AZI2: variants seen among roughly 807,000 people sequenced by gnomAD.
AZI2 encodes 5-azacytidine induced 2.
In AZI2, 22 loss-of-function variants were observed where a neutral mutation model predicts 45.8. The observed-to-expected ratio is 0.48, with a 90% CI of 0.34 to 0.69. The LOEUF (loss-of-function observed/expected upper bound fraction) is 0.69. AZI2 is among the 30% of genes least tolerant of loss of function. The pLI is 0.01. For missense variants in AZI2, 417 were observed against 441.5 expected, an observed-to-expected ratio of 0.94 and a Z score of 0.50; for synonymous variants, 137 against 156.7, an observed-to-expected ratio of 0.87 and a Z score of 0.94.
intron 2 of AZI2, among the ~76,000 whole-genome samples, 173 bp downstream of exon 2, chr3:28,340,229 T>C (rs1703956725): frequency 6.6e-6 from 1 of 152,012 alleles, no homozygotes; most frequent in African/African-American, 2.4e-5. Flanking sequence ...ACCAAGTACA[T>C]GGTATGTGAA....
intron 1 of AZI2, among the ~76,000 whole-genome samples, chr3:28,346,946 CTT>C (rs141332652): frequency 0.017 from 2,566 of 152,272 alleles, 79 homozygotes; most frequent in African/African-American, 0.058. Flanking sequence ...TTTTATGACT[CTT>C]GAGTTATCCA....
At chr3:28,334,208 G>A (rs1204871648) in intron 5 of AZI2, among the ~76,000 whole-genome samples, 2 of 151,688 alleles carry the variant, frequency 1.3e-5, no homozygotes, top group African/African-American at 4.8e-5. Context: ...TACTTCAGAA[G>A]GTTTTATAAA....
At chr3:28,347,452 G>A (rs952510349) in intron 1 of AZI2, among the ~76,000 whole-genome samples, 16 of 152,076 alleles carry the variant, frequency 1.1e-4, no homozygotes, top group African/African-American at 3.9e-4. Context: ...GAAAGTAGGG[G>A]AGCCAGAAAT....
At position 28,326,838 on chromosome 3, in the gene AZI2, T is replaced by C. The variant is rs572527075; in HGVS notation, c.760A>G (p.Lys254Glu). 2.6e-5 allele frequency: 42 copies of C among 1,605,364 alleles called. No individual in the cohort carries two copies. In the South Asian group the frequency reaches 4.3e-4, roughly 16 times the overall value. The change falls in exon 7 of 8, where the codon AAG (lysine) becomes GAG (glutamate). Residue 254 changes from lysine (K) to glutamate (E), a missense_variant. Lys to Glu is a moderately conservative substitution (Grantham distance 56). Transcript: ENST00000479665. ...LRKLKTSTAI[K>E]KACAPVGCSE... ...CCGGTAAACAGTGACTTGCCTTTCT[T>C]GATTGCAGTTGAGGTTTTCAGTTTT... is the stretch of plus-strand genomic sequence containing the variant.
chr3:28,343,381 A>C (rs1189076438), intron 1 of AZI2, among the ~76,000 whole-genome samples: 1 of 151,988 alleles, frequency 6.6e-6, no homozygotes, highest in Non-Finnish European at 1.5e-5. Flanking sequence ...GGTTGAGAAG[A>C]GGAGTGGCAG....
intron 5 of AZI2, among the ~76,000 whole-genome samples, chr3:28,334,107 T>TTA (rs1317349497): frequency 6.6e-6 from 1 of 151,548 alleles, no homozygotes; most frequent in African/African-American, 2.4e-5. Flanking sequence ...TAACATGAAA[T>TTA]ATTAATGAAC....
At position 28,322,996 on chromosome 3, in the gene AZI2, T is replaced by C. The variant is rs931366122; in HGVS notation, c.*1046A>G. 6.7e-6 allele frequency: 1 copy of C among 148,238 alleles called. No individual in the cohort carries two copies. Among genetic ancestry groups the C allele is most frequent in the Non-Finnish European group, 1.5e-5 (1 of 65,590 alleles). The allele number at this position is 148,238 out of a possible 1,614,324, so 9.2% of individuals were successfully genotyped here. ...AAGCCATCTTTATTTCCTTCTTTAT[T>C]TCCAAATAATTGGCCACTTAGAATA... On this transcript the variant is annotated 3_prime_UTR_variant, in exon 8 of 8. Transcript: ENST00000479665.
intron 6 of AZI2, among the ~76,000 whole-genome samples, chr3:28,328,617 A>C (rs1703472252): frequency 6.6e-6 from 1 of 151,140 alleles, no homozygotes; most frequent in African/African-American, 2.4e-5. Context: ...AGACTGCTTA[A>C]AACTTAGGTT....
intron 7 of AZI2, 91 bp from the exon 8 acceptor site, chr3:28,324,545 G>C: frequency 8.5e-7 from 1 of 1,179,664 alleles, no homozygotes. Flanking sequence ...TTCTAGAACT[G>C]GTGATGAAAT....
chr3:28,341,098 T>C (rs1178612048), intron 1 of AZI2, among the ~76,000 whole-genome samples: 1 of 152,066 alleles, frequency 6.6e-6, no homozygotes, highest in African/African-American at 2.4e-5. Flanking sequence ...ATATTAATAT[T>C]ATATTATAGA....
At chr3:28,332,308 T>A in intron 6 of AZI2, 61 bp downstream of exon 6, 1 of 1,457,116 alleles carries the variant, frequency 6.9e-7, no homozygotes, top group Non-Finnish European at 9.5e-7. Flanking sequence ...TCTAAGGACC[T>A]ACACAAAGTG....
intron 1 of AZI2, among the ~76,000 whole-genome samples, chr3:28,343,533 T>A (rs1704111495): frequency 6.6e-6 from 1 of 152,014 alleles, no homozygotes; most frequent in Non-Finnish European, 1.5e-5. Context: ...CTTACAATGT[T>A]GATTTTTTTT....
intron 1 of AZI2, among the ~76,000 whole-genome samples, chr3:28,341,806 AAGTG>A (rs1704027653): frequency 6.6e-6 from 1 of 152,142 alleles, no homozygotes; most frequent in Non-Finnish European, 1.5e-5. Flanking sequence ...TATTACTAGA[AAGTG>A]AGTTTTTAAC....
intron 1 of AZI2, among the ~76,000 whole-genome samples, chr3:28,341,003 C>T (rs967349457): frequency 6.6e-6 from 1 of 151,908 alleles, no homozygotes; most frequent in Non-Finnish European, 1.5e-5. Flanking sequence ...CTAACATTTC[C>T]ACTTAGATCT....
chr3:28,337,586 T>C (rs1703844192), intron 4 of AZI2, among the ~76,000 whole-genome samples: 1 of 152,188 alleles, frequency 6.6e-6, no homozygotes, highest in Non-Finnish European at 1.5e-5. Context: ...TGTGTTTAAC[T>C]GTGGGCAAGA....
intron 6 of AZI2, among the ~76,000 whole-genome samples, chr3:28,328,664 T>A (rs1205757227): frequency 6.6e-6 from 1 of 151,180 alleles, no homozygotes; most frequent in Non-Finnish European, 1.5e-5. Flanking sequence ...AATACACATG[T>A]AGTCTTGTTT....
intron 6 of AZI2, among the ~76,000 whole-genome samples, chr3:28,329,981 G>A (rs1292910920): frequency 6.6e-6 from 1 of 151,270 alleles, no homozygotes; most frequent in Non-Finnish European, 1.5e-5. Flanking sequence ...AGGAAACACA[G>A]AAGAGCCTGA....
chr3:28,337,989 T>C lies in AZI2; in HGVS notation c.387A>G (p.Gln129=), dbSNP rs763682087. Residue 129 remains glutamine (Q), a synonymous_variant, in exon 4 of 8, where the codon CAA becomes CAG. Transcript: ENST00000479665. ...GCTGGAGGAGTTCTACTTCTTTAGA[T>C]TGTAGCTGCTCATTCAATACTTTCA... ...ESLKVLNEQL[Q]SKEVELLQLR... 5 of 1,601,480 alleles carry C rather than the reference T, an allele frequency of 3.1e-6. No individual in the cohort carries two copies. The highest frequency in any genetic ancestry group is 1.1e-5 in the South Asian group (1 of 88,510).
At chr3:28,334,247 A>T (rs554820134) in intron 5 of AZI2, among the ~76,000 whole-genome samples, 41 of 151,912 alleles carry the variant, frequency 2.7e-4, no homozygotes, top group African/African-American at 8.0e-4. Context: ...CATCTTAAAA[A>T]TTTTTTTTAA....
Sources: allele counts gnomAD v4.1 joint callset (sites outside exome capture counted in the v4.1 genomes callset), GRCh38; gene constraint gnomAD v4.1.1; transcripts MANE v1.5; gene names NCBI Gene and HGNC (gene_info 2026-07-23, HGNC 2026-07-21).